The following PPP2R2D variants were observed in gnomAD, a reference collection of about 807,000 sequenced individuals.
The protein encoded by PPP2R2D is serine/threonine-protein phosphatase 2A 55 kDa regulatory subunit B delta isoform.
PPP2R2D carries 9 observed loss-of-function variants against 31.1 expected under a neutral mutation model. That is an observed-to-expected ratio of 0.29 (90% CI 0.17 to 0.51). The LOEUF (loss-of-function observed/expected upper bound fraction) is 0.51. Ranked by LOEUF, PPP2R2D falls within the 20% of genes least tolerant of loss-of-function variation. PPP2R2D has a pLI of 0.98. For missense variants in PPP2R2D, 391 were observed against 465.6 expected, an observed-to-expected ratio of 0.84 and a Z score of 1.48; for synonymous variants, 179 against 172.6, an observed-to-expected ratio of 1.04 and a Z score of -0.29.
At chr10:131,942,032 T>C (rs1554897321) in intron 5 of PPP2R2D, among the ~76,000 whole-genome samples, 1 of 152,124 alleles carries the variant, frequency 6.6e-6, no homozygotes, top group East Asian at 1.9e-4. Flanking sequence ...GTAACACGAG[T>C]TGTGCAGTTC....
At chr10:131,952,677 CTT>C (rs1220163787) in intron 8 of PPP2R2D, among the ~76,000 whole-genome samples, 1 of 45,308 alleles carries the variant, frequency 2.2e-5, no homozygotes, top group Non-Finnish European at 3.8e-5. Context: ...CACTTAGTGA[CTT>C]TCGGGTGTGT....
the PPP2R2D span, chr10:131,968,997 C>G: frequency 6.3e-6 from 1 of 159,626 alleles, no homozygotes; most frequent in Non-Finnish European, 1.4e-5. Context: ...ATGTCCCAAA[C>G]TAAAGATGCA....
At chr10:131,944,291 G>A (rs2036495786) in intron 6 of PPP2R2D, 146 bp downstream of exon 6, 5 of 665,042 alleles carry the variant, frequency 7.5e-6, no homozygotes, top group Admixed American at 7.0e-5. Flanking sequence ...AGTTCTCTGT[G>A]ATTTGAAATG....
chr10:131,961,604 C>CT (rs1284116790), downstream of PPP2R2D, among the ~76,000 whole-genome samples: 2 of 152,206 alleles, frequency 1.3e-5, no homozygotes, highest in African/African-American at 2.4e-5. Flanking sequence ...CAGTGCGGGG[C>CT]TGCCTACAGG....
At chr10:131,963,927 T>C (rs1365337856), downstream of PPP2R2D, among the ~76,000 whole-genome samples, 5 of 152,070 alleles carry the variant, frequency 3.3e-5, no homozygotes, top group Non-Finnish European at 4.4e-5. Context: ...GTCTCACGAG[T>C]GTCGGTTTTT....
downstream of PPP2R2D, among the ~76,000 whole-genome samples, chr10:131,962,772 AC>A (rs2036941623): frequency 1.3e-5 from 2 of 152,038 alleles, no homozygotes; most frequent in Non-Finnish European, 2.9e-5. Flanking sequence ...GCTGGGCTCC[AC>A]CCCCAACCGC....
At position 131,920,238 on chromosome 10, in the gene PPP2R2D, GTGTT is replaced by G. The variant is rs545893315; in HGVS notation, c.101-14216_101-14213del. ...GACCTCACGCGGGTGGAATGACACA[GTGTT>G]TGTAGGGACCTGACGTGGGTGGAAT... On this transcript the variant is annotated intron_variant, in intron 2 of 8. Transcript: ENST00000455566. Among the ~76,000 whole-genome samples the G allele has an allele frequency of 6.0e-3, 902 of 150,662 alleles. 10 individuals carry two copies. Among genetic ancestry groups the G allele is most frequent in the African/African-American group, 0.021 (869 of 40,706 alleles).
intron 2 of PPP2R2D, among the ~76,000 whole-genome samples, chr10:131,931,611 G>A (rs1174446773): frequency 6.6e-6 from 1 of 152,224 alleles, no homozygotes; most frequent in Non-Finnish European, 1.5e-5. Context: ...GCCTCCCAAA[G>A]TGCTGGGATT....
intron 2 of PPP2R2D, among the ~76,000 whole-genome samples, chr10:131,906,563 C>G (rs1046677624): frequency 6.6e-6 from 1 of 152,012 alleles, no homozygotes; most frequent in Non-Finnish European, 1.5e-5. Context: ...CATTTTAAGT[C>G]GCAGAAAGGT....
intron 2 of PPP2R2D, among the ~76,000 whole-genome samples, chr10:131,906,637 A>C (rs2035589275): frequency 6.6e-6 from 1 of 152,084 alleles, no homozygotes; most frequent in Non-Finnish European, 1.5e-5. Context: ...AATGTAAGAT[A>C]ATGTCTGGCT....
At chr10:131,917,131 G>A (rs1401492792) in intron 2 of PPP2R2D, among the ~76,000 whole-genome samples, 1 of 143,218 alleles carries the variant, frequency 7.0e-6, no homozygotes, top group Non-Finnish European at 1.5e-5. Flanking sequence ...GACCTCACGT[G>A]GGTGGAATGA....
chr10:131,946,925 G>T (rs1404271919), intron 7 of PPP2R2D, among the ~76,000 whole-genome samples: 1 of 151,932 alleles, frequency 6.6e-6, no homozygotes, highest in Admixed American at 6.6e-5. Flanking sequence ...ACCTTGGCTG[G>T]CTGGCTTTGA....
the PPP2R2D span, chr10:131,970,588 A>G: frequency 3.1e-6 from 5 of 1,595,398 alleles, no homozygotes; most frequent in South Asian, 5.6e-5. This position sits in a 1 kb window ranked among gnomAD's most constrained non-coding sequence, Gnocchi z 4.1. Flanking sequence ...TGCAACCCAG[A>G]ATCGCCCCAC....
At chr10:131,964,035 G>A (rs1206184475), downstream of PPP2R2D, among the ~76,000 whole-genome samples, 1 of 152,220 alleles carries the variant, frequency 6.6e-6, no homozygotes, top group East Asian at 1.9e-4. Context: ...CACTTGGGAA[G>A]TGTGGGCAGG....
chr10:131,944,228 A>G, intron 6 of PPP2R2D, 83 bp downstream of exon 6: 1 of 1,140,010 alleles, frequency 8.8e-7, no homozygotes, highest in Admixed American at 2.4e-5. Flanking sequence ...ATACACCTGT[A>G]TCTCGGAGTC....
intron 2 of PPP2R2D, among the ~76,000 whole-genome samples, chr10:131,918,185 GCA>G: frequency 7.9e-6 from 1 of 125,802 alleles, no homozygotes; most frequent in African/African-American, 3.0e-5. Context: ...GGGTGGAATG[GCA>G]CAGCGTTTGT....
At position 131,956,989 on chromosome 10, in the gene PPP2R2D, A is replaced by G. The variant is rs1315168502; in HGVS notation, c.*1026A>G. The G allele has an allele frequency of 6.6e-6, 1 of 152,296 alleles. No homozygotes were observed. The highest frequency in any genetic ancestry group is 1.5e-5 in the Non-Finnish European group (1 of 68,066). 9.4% of individuals were successfully genotyped at this position (152,296 alleles called of 1,614,324 possible). On this transcript the variant is annotated 3_prime_UTR_variant, in exon 9 of 9. Transcript: ENST00000455566. ...AAGCCAGCAAAATTAAGCAATTTTA[A>G]TTACACGATGCCACCAGTACGTTGG...
At chr10:131,927,052 C>T (rs1554895034) in intron 2 of PPP2R2D, among the ~76,000 whole-genome samples, 1 of 152,252 alleles carries the variant, frequency 6.6e-6, no homozygotes, top group East Asian at 1.9e-4. Context: ...GTGGTCTCTG[C>T]TGGAAGCAGT....
rs930566932 is a variant in PPP2R2D at position 131,956,388 on chromosome 10, G to C, written c.*425G>C. 6 of 986,344 alleles carry C rather than the reference G, an allele frequency of 6.1e-6. No individual in the cohort carries two copies. The highest frequency in any genetic ancestry group is 7.2e-6 in the Non-Finnish European group (6 of 830,618). The allele number at this position is 986,344 out of a possible 1,614,324, so 61.1% of individuals were successfully genotyped here. A position where few individuals can be genotyped will look rare whatever the true frequency, so the allele number is the denominator to read the frequency against. On this transcript the variant is annotated 3_prime_UTR_variant, in exon 9 of 9. Coordinates refer to ENST00000455566, the MANE Select transcript of PPP2R2D (RefSeq NM_018461.5). ...CTGCAGCGTGGTGTGGCCACCGTCC[G>C]TGTCCTCTCGGCCTTCCTCCGAGTC...
Sources: gnomAD v4.1 joint callset for allele counts (sites outside exome capture counted in the v4.1 genomes callset) on GRCh38, gnomAD v4.1.1 for gene constraint, Gnocchi (gnomAD v3.1) non-coding constraint, MANE v1.5 for transcripts, NCBI Gene and HGNC (gene_info 2026-07-23, HGNC 2026-07-21) for gene names.